Variants in MSRA observed in about 807,000 individuals in gnomAD.
MSRA encodes the protein methionine sulfoxide reductase A.
Under a neutral mutation model 31.3 loss-of-function variants are expected in MSRA, and 54 were observed. The observed-to-expected ratio is 1.73, with a 90% CI of 1.39 to 2.17. MSRA has a LOEUF of 2.17. MSRA is among the 30% of genes most tolerant of loss of function. The probability of loss-of-function intolerance (pLI) is 0.00; values close to 1 mark genes in which losing one functional copy is unlikely to be tolerated. For missense variants in MSRA, 507 were observed against 300.9 expected (o/e 1.69, Z -5.07); for synonymous variants, 169 against 116.5 (o/e 1.45, Z -2.90).
intron 1 of MSRA, among the ~76,000 whole-genome samples, chr8:10,196,774 G>T (rs1231920458): frequency 6.6e-6 from 1 of 151,468 alleles, no homozygotes; most frequent in Non-Finnish European, 1.5e-5. Flanking sequence ...GTTTCACCAT[G>T]TTGGCCAGGC....
intron 5 of MSRA, among the ~76,000 whole-genome samples, chr8:10,419,924 T>A (rs1808710410): frequency 6.6e-6 from 1 of 152,202 alleles, no homozygotes; most frequent in East Asian, 1.9e-4. Flanking sequence ...ACGTTCCTTT[T>A]GCAGTTCTGT....
chr8:10,091,101 G>C (rs934308276), intron 1 of MSRA, among the ~76,000 whole-genome samples: 2 of 152,168 alleles, frequency 1.3e-5, no homozygotes, highest in Non-Finnish European at 2.9e-5. Context: ...TTATATGTTG[G>C]ACTGGTCTTC....
intron 2 of MSRA, among the ~76,000 whole-genome samples, chr8:10,228,268 A>C (rs989142416): frequency 3.9e-5 from 6 of 152,168 alleles, no homozygotes; most frequent in Non-Finnish European, 7.3e-5. Context: ...GGTTTCATCA[A>C]GGTGCGCCCT....
At chr8:10,278,402 T>G (rs945545719) in intron 3 of MSRA, among the ~76,000 whole-genome samples, 1 of 152,232 alleles carries the variant, frequency 6.6e-6, no homozygotes, top group South Asian at 2.1e-4. Context: ...GTTGACTTCT[T>G]GTTCATGTAA....
At chr8:10,191,512 G>T (rs990056130) in intron 1 of MSRA, among the ~76,000 whole-genome samples, 1 of 152,216 alleles carries the variant, frequency 6.6e-6, no homozygotes, top group Non-Finnish European at 1.5e-5. Context: ...AATAAAAATT[G>T]CCAGAATTAT....
intron 5 of MSRA, among the ~76,000 whole-genome samples, chr8:10,381,455 T>G (rs904240504): frequency 1.3e-5 from 2 of 152,116 alleles, no homozygotes; most frequent in Admixed American, 6.5e-5. Context: ...GGGGAAGAGC[T>G]GGGAGGAAGG....
chr8:10,089,757 G>A (rs775019561), intron 1 of MSRA, among the ~76,000 whole-genome samples: 4 of 152,176 alleles, frequency 2.6e-5, no homozygotes, highest in East Asian at 1.9e-4. Flanking sequence ...AAGGAGAAGC[G>A]AGCACCTGCG....
At chr8:10,095,126 C>T (rs532381351) in intron 1 of MSRA, among the ~76,000 whole-genome samples, 29 of 152,228 alleles carry the variant, frequency 1.9e-4, no homozygotes, top group South Asian at 6.2e-4. Context: ...TGAGTCTTTG[C>T]GGCAGGACAA....
intron 1 of MSRA, among the ~76,000 whole-genome samples, chr8:10,201,744 A>G (rs1026435128): frequency 6.6e-5 from 10 of 152,234 alleles, no homozygotes; most frequent in Admixed American, 5.9e-4. Flanking sequence ...TTCAACATCC[A>G]GAAGTTGACT....
chr8:10,268,317 T>A (rs1373183919), intron 3 of MSRA, among the ~76,000 whole-genome samples: 2 of 152,214 alleles, frequency 1.3e-5, no homozygotes, highest in African/African-American at 2.4e-5. Context: ...TCCAGACATT[T>A]GGGTAGAAAG....
At chr8:10,176,969 T>G (rs1806106574) in intron 1 of MSRA, among the ~76,000 whole-genome samples, 1 of 152,228 alleles carries the variant, frequency 6.6e-6, no homozygotes, top group Non-Finnish European at 1.5e-5. Flanking sequence ...TGATGGGGGC[T>G]GTAACCTCAC....
At chr8:10,266,108 C>G (rs1185708034) in intron 3 of MSRA, among the ~76,000 whole-genome samples, 1 of 152,170 alleles carries the variant, frequency 6.6e-6, no homozygotes, top group African/African-American at 2.4e-5. Flanking sequence ...ACATTAATAC[C>G]TAGAAATGGA....
chr8:10,189,959 A>G (rs149999311), intron 1 of MSRA, among the ~76,000 whole-genome samples: 20 of 151,940 alleles, frequency 1.3e-4, no homozygotes, highest in East Asian at 7.7e-4. Flanking sequence ...GGAGTTTTCT[A>G]TTTCAGATTT....
chr8:10,119,109 G>C (rs1173931741), intron 1 of MSRA, among the ~76,000 whole-genome samples: 1 of 152,136 alleles, frequency 6.6e-6, no homozygotes, highest in Non-Finnish European at 1.5e-5. Flanking sequence ...TATCTGCATA[G>C]ACTTTTCTTC....
intron 1 of MSRA, among the ~76,000 whole-genome samples, chr8:10,063,663 A>C (rs1402348604): frequency 6.6e-6 from 1 of 152,184 alleles, no homozygotes; most frequent in Non-Finnish European, 1.5e-5. Context: ...GAGACCCCAG[A>C]TAACTAGCTA....
At chr8:10,157,264 A>C (rs1410057356) in intron 1 of MSRA, among the ~76,000 whole-genome samples, 5 of 152,138 alleles carry the variant, frequency 3.3e-5, no homozygotes, top group Admixed American at 6.6e-5. Context: ...ATTTGAGTTT[A>C]AGTGTGAAAA....
At chr8:10,307,241 A>T (rs1801189559) in intron 4 of MSRA, among the ~76,000 whole-genome samples, 1 of 149,904 alleles carries the variant, frequency 6.7e-6, no homozygotes, top group Admixed American at 6.7e-5. Context: ...CAATTGGCTT[A>T]CTGCAACTTC....
intron 1 of MSRA, among the ~76,000 whole-genome samples, chr8:10,056,255 C>T (rs1184490728): frequency 6.8e-6 from 1 of 148,100 alleles, no homozygotes; most frequent in East Asian, 2.0e-4. Flanking sequence ...GTTCAGATTT[C>T]CAAACTGGTT....
At chr8:10,215,628 T>C (rs1246183894) in intron 2 of MSRA, among the ~76,000 whole-genome samples, 5 of 152,236 alleles carry the variant, frequency 3.3e-5, no homozygotes, top group Non-Finnish European at 1.5e-5. Context: ...TCACCTAATA[T>C]TGGCTGGGTA....
Sources: gnomAD v4.1 joint callset for allele counts (sites outside exome capture counted in the v4.1 genomes callset) on GRCh38, gnomAD v4.1.1 for gene constraint, MANE v1.5 for transcripts, NCBI Gene and HGNC (gene_info 2026-07-23, HGNC 2026-07-21) for gene names.